RHOJ: variants seen among roughly 807,000 people sequenced by gnomAD.
The protein encoded by RHOJ is ras homolog family member J, also known as rho-related GTP-binding protein RhoJ.
RHOJ carries 11 observed loss-of-function variants against 23.4 expected under a neutral mutation model. The ratio of observed to expected loss-of-function variants is 0.47; its 90% CI spans 0.30 to 0.78. The LOEUF is 0.78. Among genes scored for constraint, RHOJ ranks in the 30% least tolerant of loss-of-function variants. The probability of loss-of-function intolerance (pLI) is 0.08; values close to 1 mark genes in which losing one functional copy is unlikely to be tolerated. For synonymous variants in RHOJ, 102 were observed against 102.7 expected, an observed-to-expected ratio of 0.99 and a Z score of 0.04; for missense variants, 254 against 273.4, an observed-to-expected ratio of 0.93 and a Z score of 0.50.
intron 1 of RHOJ, among the ~76,000 whole-genome samples, chr14:63,259,013 C>T (rs558582711): frequency 1.2e-4 from 19 of 152,246 alleles, no homozygotes; most frequent in Admixed American, 4.6e-4. Context: ...GATCTTGGCT[C>T]GCAGCAACCT....
chr14:63,292,314 T>C lies in RHOJ; in HGVS notation c.*1290T>C, dbSNP rs1882278747. 6.6e-6 allele frequency: 1 copy of C among 152,196 alleles called. No individual in the cohort carries two copies. Among genetic ancestry groups the C allele is most frequent in the South Asian group, 2.1e-4 (1 of 4,828 alleles). 9.4% of individuals were successfully genotyped at this position (152,196 alleles called of 1,614,324 possible). On this transcript the variant is annotated 3_prime_UTR_variant, in exon 5 of 5. Transcript: ENST00000316754. The stretch of plus-strand genomic sequence containing the variant: ...CCCCTGCCCTCCACAATGTGTGACA[T>C]AGAACAGGGACTTTGGCCCTGGGAA...
intron 1 of RHOJ, among the ~76,000 whole-genome samples, chr14:63,267,186 C>A (rs972893326): frequency 6.6e-5 from 10 of 152,238 alleles, no homozygotes; most frequent in Non-Finnish European, 1.0e-4. Flanking sequence ...CACCACCTCA[C>A]CTTCCTGTGC....
At chr14:63,237,040 A>G (rs1479104310) in intron 1 of RHOJ, among the ~76,000 whole-genome samples, 2 of 152,156 alleles carry the variant, frequency 1.3e-5, no homozygotes, top group African/African-American at 4.8e-5. Context: ...TACAGATGCA[A>G]TTGTCCCTTT....
chr14:63,284,629 A>C (rs560684370), intron 4 of RHOJ, among the ~76,000 whole-genome samples: 2 of 152,248 alleles, frequency 1.3e-5, no homozygotes, highest in African/African-American at 4.8e-5. Flanking sequence ...AGGTGCTTCT[A>C]CCTTCTCCTC....
chr14:63,270,383 T>A (rs539381896), intron 2 of RHOJ, among the ~76,000 whole-genome samples: 4 of 152,284 alleles, frequency 2.6e-5, no homozygotes, highest in African/African-American at 9.6e-5. Context: ...TCAAAGCTTC[T>A]AAGAGCATCC....
intron 1 of RHOJ, among the ~76,000 whole-genome samples, chr14:63,219,793 T>C (rs1292722338): frequency 6.9e-6 from 1 of 145,912 alleles, no homozygotes; most frequent in African/African-American, 2.6e-5. Flanking sequence ...TCCAGCCTGG[T>C]GACAGAGCGA....
intron 1 of RHOJ, among the ~76,000 whole-genome samples, chr14:63,243,137 T>C (rs1383225669): frequency 2.6e-5 from 4 of 152,190 alleles, no homozygotes; most frequent in Non-Finnish European, 4.4e-5. Context: ...TGATAAAATA[T>C]ACCTTCAGGT....
intron 2 of RHOJ, among the ~76,000 whole-genome samples, chr14:63,274,394 C>T (rs1306324897): frequency 6.6e-6 from 1 of 152,134 alleles, no homozygotes; most frequent in African/African-American, 2.4e-5. Flanking sequence ...TAAAAGCAAC[C>T]TCAGGACACA....
intron 1 of RHOJ, among the ~76,000 whole-genome samples, chr14:63,225,043 T>G (rs2031231): frequency 6.6e-6 from 1 of 150,822 alleles, no homozygotes; most frequent in African/African-American, 2.4e-5. Context: ...AGCTCCGCCT[T>G]CCGGTTCACG....
chr14:63,240,043 C>T lies in RHOJ; in HGVS notation c.179-29067C>T, dbSNP rs539499074. Among the ~76,000 whole-genome samples the T allele has an allele frequency of 3.3e-5, 5 of 152,162 alleles. No individual in the cohort carries two copies. In the East Asian group the frequency reaches 5.8e-4, roughly 18 times the overall value. Reference sequence around the variant, plus strand: ...GCCATAGAATTTTTATATTTTATTTCACATGGTAAATACTCTGTAAATATG... The same window carrying T: ...GCCATAGAATTTTTATATTTTATTTTACATGGTAAATACTCTGTAAATATG... On this transcript the variant is annotated intron_variant, in intron 1 of 4. Transcript: ENST00000316754.
At chr14:63,271,124 C>T (rs1290377848) in intron 2 of RHOJ, among the ~76,000 whole-genome samples, 3 of 152,042 alleles carry the variant, frequency 2.0e-5, no homozygotes, top group African/African-American at 4.8e-5. Flanking sequence ...GACACAAAAG[C>T]GATGAAGACT....
chr14:63,213,658 T>C (rs918497536), intron 1 of RHOJ, among the ~76,000 whole-genome samples: 3 of 152,196 alleles, frequency 2.0e-5, no homozygotes, highest in Non-Finnish European at 4.4e-5. Context: ...TACCCAGTAA[T>C]AGGATTGCTG....
At chr14:63,284,903 A>G (rs1037118767) in intron 4 of RHOJ, among the ~76,000 whole-genome samples, 1 of 152,190 alleles carries the variant, frequency 6.6e-6, no homozygotes, top group African/African-American at 2.4e-5. Context: ...TTTTGGAACA[A>G]TGGCTGAGTT....
In RHOJ at chr14:63,230,930, T is replaced by C. The variant is rs954478562; in HGVS notation, c.178+25883T>C. Among the ~76,000 whole-genome samples, 3 of 142,802 alleles carry C rather than the reference T, an allele frequency of 2.1e-5. No individual in the cohort carries two copies. In the Admixed American group the frequency reaches 2.2e-4, roughly 10 times the overall value. The allele number at this position is 142,802 out of a possible 152,430, so 93.7% of individuals were successfully genotyped here. A position where few individuals can be genotyped will look rare whatever the true frequency, so the allele number is the denominator to read the frequency against. Reference sequence around the variant, plus strand: ...ATCTCAGCTCACTGCAACCTCCGCCTCCTGGGTTCAAGCAACTGTGTGATC... The same window carrying C: ...ATCTCAGCTCACTGCAACCTCCGCCCCCTGGGTTCAAGCAACTGTGTGATC... On this transcript the variant is annotated intron_variant, in intron 1 of 4. Coordinates refer to ENST00000316754, the MANE Select transcript of RHOJ (RefSeq NM_020663.5).
chr14:63,218,638 A>G (rs1894417146), intron 1 of RHOJ, among the ~76,000 whole-genome samples: 1 of 152,198 alleles, frequency 6.6e-6, no homozygotes, highest in Admixed American at 6.5e-5. Context: ...TCAGCCAAAC[A>G]TCCTATTTAG....
intron 1 of RHOJ, among the ~76,000 whole-genome samples, chr14:63,227,082 G>T (rs1008674778): frequency 6.6e-6 from 1 of 152,082 alleles, no homozygotes; most frequent in African/African-American, 2.4e-5. Context: ...CTGCCAAGTA[G>T]CTGGGATTAC....
chr14:63,256,834 G>A (rs1041237225), intron 1 of RHOJ, among the ~76,000 whole-genome samples: 2 of 152,120 alleles, frequency 1.3e-5, no homozygotes, highest in African/African-American at 2.4e-5. Flanking sequence ...AAAACTTTGG[G>A]AGGTCGAGGC....
chr14:63,260,781 C>T (rs1895258092), intron 1 of RHOJ, among the ~76,000 whole-genome samples: 1 of 151,848 alleles, frequency 6.6e-6, no homozygotes, highest in Non-Finnish European at 1.5e-5. Context: ...CAACTGTTAG[C>T]TACTATAAAC....
intron 1 of RHOJ, among the ~76,000 whole-genome samples, chr14:63,260,890 C>T (rs916941654): frequency 2.0e-5 from 3 of 151,892 alleles, no homozygotes; most frequent in African/African-American, 7.3e-5. Flanking sequence ...GATATAAATA[C>T]CTGATAGTAC....
Sources: gnomAD v4.1 joint callset for allele counts (sites outside exome capture counted in the v4.1 genomes callset) on GRCh38, gnomAD v4.1.1 for gene constraint, MANE v1.5 for transcripts, NCBI Gene and HGNC (gene_info 2026-07-23, HGNC 2026-07-21) for gene names.